Variants in IRGQ observed in about 807,000 individuals in gnomAD.
The protein encoded by IRGQ is immunity-related GTPase family Q protein.
IRGQ carries 5 observed loss-of-function variants against 10.5 expected under a neutral mutation model. The observed-to-expected ratio is 0.48, with a 90% confidence interval of 0.25 to 1.00. IRGQ has a LOEUF of 1.00. IRGQ is among the 50% of genes least tolerant of loss of function. The probability of loss-of-function intolerance (pLI) is 0.16; values close to 1 mark genes in which losing one functional copy is unlikely to be tolerated. For synonymous variants in IRGQ, 418 were observed against 426.0 expected (o/e 0.98, Z 0.23); for missense variants, 792 against 877.7 (o/e 0.90, Z 1.23).
intron 2 of IRGQ, 140 bp downstream of exon 2, chr19:43,594,669 C>CA: frequency 1.6e-6 from 1 of 628,430 alleles, no homozygotes; most frequent in East Asian, 3.1e-5. Flanking sequence ...CCCTGTCTCT[C>CA]AGGAAAAAAA....
Position 43,593,220 on chromosome 19 carries a change from G to A in IRGQ, c.678C>T (p.Asp226=). 6.3e-7 allele frequency: 1 copy of A among 1,582,772 alleles called. No homozygotes were observed. Among genetic ancestry groups the A allele is most frequent in the Non-Finnish European group, 8.6e-7 (1 of 1,162,084 alleles). ...CGTCAGCCTTGCCAGCCACGGCCAG[G>A]TCTAGCCGTGCGCTGCCCAGGCGCT... The part of the protein sequence containing the change: ...GLERLGSARL[D]LAVAGKADVG... Residue 226 remains aspartate, a synonymous_variant, in exon 3 of 3, where the codon GAC becomes GAT. Coordinates refer to ENST00000422989, the MANE Select transcript of IRGQ (RefSeq NM_001007561.3). This position sits in a 1 kb window ranked among gnomAD's most constrained non-coding sequence, Gnocchi z 6.4.
In IRGQ at chr19:43,594,994, G is replaced by A; in HGVS notation, c.345C>T (p.Asn115=). 6.2e-7 allele frequency: 1 copy of A among 1,613,826 alleles called. No individual in the cohort carries two copies. ...CAGTCTGTGAATCCCCAGGACGGAGGTTCCGCACAGCCAGTAGCGGGGTCC... is the reference window on the plus strand; with the variant it reads ...CAGTCTGTGAATCCCCAGGACGGAGATTCCGCACAGCCAGTAGCGGGGTCC... The part of the protein sequence containing the change: ...ARGTPLLAVR[N]LRPGDSQTAA... Residue 115 remains asparagine, a synonymous_variant, in exon 2 of 3, where the codon AAC becomes AAT. Coordinates refer to ENST00000422989, the MANE Select transcript of IRGQ (RefSeq NM_001007561.3).
At position 43,593,804 on chromosome 19, in the gene IRGQ, C is replaced by T. The variant is rs939615896; in HGVS notation, c.531-437G>A. Among the ~76,000 whole-genome samples the T allele has an allele frequency of 1.3e-5, 2 of 152,092 alleles. No homozygotes were observed. Among genetic ancestry groups the T allele is most frequent in the Non-Finnish European group, 2.9e-5 (2 of 68,016 alleles). On this transcript the variant is annotated intron_variant, in intron 2 of 2. Coordinates refer to ENST00000422989, the MANE Select transcript of IRGQ (RefSeq NM_001007561.3). The surrounding 1 kb of genome is among the most constrained non-coding windows in gnomAD (Gnocchi z 6.4). ...CTATTTGAGACAAGGTCCCCAAGGG[C>T]ACTCTTTTCAGGGGCTGGGCCTAAG... is the stretch of plus-strand genomic sequence containing the variant.
In IRGQ at chr19:43,587,554, T is replaced by C. The variant is rs1248988813; in HGVS notation, c.*4472A>G. On this transcript the variant is annotated 3_prime_UTR_variant, in exon 3 of 3. Transcript: ENST00000422989. ...TGGTAATTGAGATTTGGTGTAAGTG[T>C]AAAATATATAACAGATTTTGAAGAC... 1 of 152,218 alleles carries C rather than the reference T, an allele frequency of 6.6e-6. No homozygotes were observed. The highest frequency in any genetic ancestry group is 2.4e-5 in the African/African-American group (1 of 41,462). 9.4% of individuals were successfully genotyped at this position (152,218 alleles called of 1,614,324 possible).
chr19:43,595,374 G>T, intron 1 of IRGQ, 34 bp from the exon 2 acceptor site: 1 of 1,508,208 alleles, frequency 6.6e-7, no homozygotes, highest in South Asian at 1.3e-5. Flanking sequence ...ACCTGGGTCA[G>T]GGAGCACCTA....
rs939890277 is a variant in IRGQ at position 43,593,971 on chromosome 19, A to C, written c.531-604T>G. The stretch of plus-strand genomic sequence containing the variant: ...ACTGTCCCTCTCTGAGCCTCGTTTT[A>C]AAGTCTTTAAAATGAGGAGGCTGGC... On this transcript the variant is annotated intron_variant, in intron 2 of 2. Transcript: ENST00000422989. The surrounding 1 kb of genome is among the most constrained non-coding windows in gnomAD (Gnocchi z 6.4). Among the ~76,000 whole-genome samples, 6 of 152,162 alleles carry C rather than the reference A, an allele frequency of 3.9e-5. No individual in the cohort carries two copies.
At position 43,594,833 on chromosome 19, in the gene IRGQ, T is replaced by C. The variant is rs150547865; in HGVS notation, c.506A>G (p.Gln169Arg). 1.4e-4 allele frequency: 229 copies of C among 1,611,582 alleles called. No individual in the cohort carries two copies. In the African/African-American group the frequency reaches 2.5e-3, roughly 18 times the overall value. The change falls in exon 2 of 3, where the codon CAG becomes CGG. Residue 169 changes from glutamine (Q) to arginine (R), a missense_variant. Physicochemically the swap from Gln to Arg is conservative, Grantham distance 43. Transcript: ENST00000422989. ...EELERLRAALQSQAEALRRLL... is the reference protein window; with the variant it reads ...EELERLRAALRSQAEALRRLL... ...CCTCCGCAGCGCTTCTGCCTGGCTC[T>C]GCAGCGCCGCCCGGAGGCGCTCTAG... is the stretch of plus-strand genomic sequence containing the variant.
At position 43,585,513 on chromosome 19, in the gene IRGQ, T is replaced by C. The variant is rs1972985414; in HGVS notation, c.*6513A>G. 1 of 152,228 alleles carries C rather than the reference T, an allele frequency of 6.6e-6. No homozygotes were observed. The highest frequency in any genetic ancestry group is 1.5e-5 in the Non-Finnish European group (1 of 68,092). 9.4% of individuals were successfully genotyped at this position (152,228 alleles called of 1,614,324 possible). A position where few individuals can be genotyped will look rare whatever the true frequency, so the allele number is the denominator to read the frequency against. On this transcript the variant is annotated 3_prime_UTR_variant, in exon 3 of 3. Transcript: ENST00000422989. The stretch of plus-strand genomic sequence containing the variant: ...CCCTGGCCTCCCAAAGTGCTGGGAT[T>C]ATAGGTGTGAGCCACCACACCCGGC...
At position 43,595,297 on chromosome 19, in the gene IRGQ, C is replaced by G. The variant is rs1339918146; in HGVS notation, c.42G>C (p.Gly14=). The change falls in exon 2 of 3, where the codon GGG becomes GGC. Residue 14 remains glycine, a synonymous_variant. Transcript: ENST00000422989. ...PQGDVTALFL[G]PPGLGKSALI... ...GCGCGGACTTCCCCAAGCCCGGAGG[C>G]CCCAGGAACAAGGCGGTCACGTCAC... 1 of 1,586,552 alleles carries G rather than the reference C, an allele frequency of 6.3e-7. No individual in the cohort carries two copies. Among genetic ancestry groups the G allele is most frequent in the East Asian group, 2.2e-5 (1 of 44,480 alleles).
chr19:43,593,284 C>A lies in IRGQ; in HGVS notation c.614G>T (p.Gly205Val). 6.3e-7 allele frequency: 1 copy of A among 1,591,284 alleles called. No individual in the cohort carries two copies. The highest frequency in any genetic ancestry group is 8.6e-7 in the Non-Finnish European group (1 of 1,167,896). Residue 205 changes from glycine to valine, a missense_variant, in exon 3 of 3, where the codon GGC (glycine) becomes GTC (valine). Coordinates refer to ENST00000422989, the MANE Select transcript of IRGQ (RefSeq NM_001007561.3). The surrounding 1 kb of genome is among the most constrained non-coding windows in gnomAD (Gnocchi z 6.4). ...EAVREAFETG[G>V]LEAALSWVRS... The stretch of plus-strand genomic sequence containing the variant: ...CACCCACGACAGCGCAGCCTCAAGG[C>A]CGCCGGTCTCAAAGGCCTCACGCAC...
chr19:43,594,781 C>G (rs775977024), intron 2 of IRGQ, 28 bp downstream of exon 2: 4 of 1,571,072 alleles, frequency 2.5e-6, no homozygotes, highest in South Asian at 1.2e-5. Flanking sequence ...TCTCGACTAA[C>G]GGACCCAGCC....
intron 2 of IRGQ, among the ~76,000 whole-genome samples, chr19:43,594,186 G>T (rs1289182376): frequency 6.6e-6 from 1 of 152,202 alleles, no homozygotes; most frequent in Non-Finnish European, 1.5e-5. Flanking sequence ...ATCTTCCAGG[G>T]GGCTGGGCAG....
chr19:43,593,666 TG>T lies in IRGQ; in HGVS notation c.531-300del, dbSNP rs1352436657. ...TAAAACTTCCATGGAATACAGTATT[TG>T]GGGGCGGGGTTTTTCCAAGGGTCGG... is the stretch of plus-strand genomic sequence containing the variant. On this transcript the variant is annotated intron_variant, in intron 2 of 2. Coordinates refer to ENST00000422989, the MANE Select transcript of IRGQ (RefSeq NM_001007561.3). The surrounding 1 kb of genome is among the most constrained non-coding windows in gnomAD (Gnocchi z 6.4). 2.0e-5 allele frequency among the ~76,000 whole-genome samples: 3 copies of T among 151,994 alleles called. No individual in the cohort carries two copies. Among genetic ancestry groups the T allele is most frequent in the Admixed American group, 6.6e-5 (1 of 15,266 alleles).
rs994931145 is a variant in IRGQ at position 43,591,799 on chromosome 19, G to A, written c.*227C>T. 14 of 417,234 alleles carry A rather than the reference G, an allele frequency of 3.4e-5. No homozygotes were observed. The highest frequency in any genetic ancestry group is 5.0e-5 in the Non-Finnish European group (12 of 238,584). 25.8% of individuals were successfully genotyped at this position (417,234 alleles called of 1,614,324 possible). On this transcript the variant is annotated 3_prime_UTR_variant, in exon 3 of 3. Coordinates refer to ENST00000422989, the MANE Select transcript of IRGQ (RefSeq NM_001007561.3). Reference sequence around the variant, plus strand: ...GGAGGCGGAGGTTGCAGTGAGCCGAGGTCGCGCCATTGCACTCCAGCCTGG... The same window carrying A: ...GGAGGCGGAGGTTGCAGTGAGCCGAAGTCGCGCCATTGCACTCCAGCCTGG...
intron 2 of IRGQ, among the ~76,000 whole-genome samples, chr19:43,594,370 A>G (rs1031835104): frequency 6.6e-6 from 1 of 152,230 alleles, no homozygotes; most frequent in Non-Finnish European, 1.5e-5. Flanking sequence ...CTTGAGGCCA[A>G]GAGTTCAAGA....
In IRGQ at chr19:43,593,406, G is replaced by A; in HGVS notation, c.531-39C>T. 1 of 1,480,068 alleles carries A rather than the reference G, an allele frequency of 6.8e-7. No homozygotes were observed. The highest frequency in any genetic ancestry group is 2.3e-5 in the East Asian group (1 of 43,326). 91.7% of individuals were successfully genotyped at this position (1,480,068 alleles called of 1,614,324 possible). A position where few individuals can be genotyped will look rare whatever the true frequency, so the allele number is the denominator to read the frequency against. ...AAGGGACAGGGTCAAAGGTAGAAGA[G>A]GGGCTGGGTGACATGGACTGGGCTA... On this transcript the variant is annotated intron_variant, in intron 2 of 2. Coordinates refer to ENST00000422989, the MANE Select transcript of IRGQ (RefSeq NM_001007561.3). This position sits in a 1 kb window ranked among gnomAD's most constrained non-coding sequence, Gnocchi z 6.4.
chr19:43,592,969 T>C lies in IRGQ; in HGVS notation c.929A>G (p.Glu310Gly). The C allele has an allele frequency of 6.2e-7, 1 of 1,609,258 alleles. No homozygotes were observed. Among genetic ancestry groups the C allele is most frequent in the Non-Finnish European group, 8.5e-7 (1 of 1,179,884 alleles). The change falls in exon 3 of 3, where the codon GAG becomes GGG. Residue 310 changes from glutamate to glycine, a missense_variant. By Grantham distance (98) the Glu-to-Gly change is moderately conservative. Coordinates refer to ENST00000422989, the MANE Select transcript of IRGQ (RefSeq NM_001007561.3). The part of the protein sequence containing the change: ...LILVTPGAPT[E>G]KDWAQVQALL... The stretch of plus-strand genomic sequence containing the variant: ...GGCCTGGACCTGGGCCCAGTCCTTC[T>C]CAGTGGGGGCCCCAGGGGTGACGAG...
chr19:43,592,963 T>C lies in IRGQ; in HGVS notation c.935A>G (p.Asp312Gly). Residue 312 changes from aspartate to glycine, a missense_variant, in exon 3 of 3, where the codon GAC becomes GGC. Physicochemically the swap from Asp to Gly is moderately conservative, Grantham distance 94. Transcript: ENST00000422989. The stretch of plus-strand genomic sequence containing the variant: ...CAGCAAGGCCTGGACCTGGGCCCAG[T>C]CCTTCTCAGTGGGGGCCCCAGGGGT... ...LVTPGAPTEK[D>G]WAQVQALLLP... The C allele has an allele frequency of 6.2e-7, 1 of 1,609,452 alleles. No individual in the cohort carries two copies. Among genetic ancestry groups the C allele is most frequent in the Non-Finnish European group, 8.5e-7 (1 of 1,179,936 alleles).
chr19:43,593,311 G>C lies in IRGQ; in HGVS notation c.587C>G (p.Ala196Gly), dbSNP rs748935968. ...GCCGGTCTCAAAGGCCTCACGCACAGCCTCTAGCTCTGCTGCACCCAACAC... is the reference window on the plus strand; with the variant it reads ...GCCGGTCTCAAAGGCCTCACGCACACCCTCTAGCTCTGCTGCACCCAACAC... ...FEVLGAAELE[A>G]VREAFETGGL... Residue 196 changes from alanine (A) to glycine (G), a missense_variant, in exon 3 of 3, where the codon GCT (alanine) becomes GGT (glycine). Transcript: ENST00000422989. The surrounding 1 kb of genome is among the most constrained non-coding windows in gnomAD (Gnocchi z 6.4). 1 of 1,572,264 alleles carries C rather than the reference G, an allele frequency of 6.4e-7. No individual in the cohort carries two copies. The highest frequency in any genetic ancestry group is 1.9e-5 in the Admixed American group (1 of 52,376).
Sources: gnomAD v4.1 joint callset for allele counts (sites outside exome capture counted in the v4.1 genomes callset) on GRCh38, gnomAD v4.1.1 for gene constraint, Gnocchi (gnomAD v3.1) non-coding constraint, MANE v1.5 for transcripts, NCBI Gene and HGNC (gene_info 2026-07-23, HGNC 2026-07-21) for gene names.